DGKB: variants seen among roughly 807,000 people sequenced by gnomAD.
DGKB encodes the protein diacylglycerol kinase beta.
DGKB carries 67 observed loss-of-function variants against 114.3 expected under a neutral mutation model. The observed-to-expected ratio is 0.59, with a 90% CI of 0.48 to 0.72. The LOEUF is 0.72. DGKB is among the 30% of genes least tolerant of loss of function. DGKB has a pLI of 0.00. For synonymous variants in DGKB, 398 were observed against 323.1 expected (o/e 1.23, Z -2.49); for missense variants, 907 against 975.2 (o/e 0.93, Z 0.93).
chr7:14,849,376 G>A (rs559276011), intron 1 of DGKB, among the ~76,000 whole-genome samples: 1 of 151,842 alleles, frequency 6.6e-6, no homozygotes, highest in Non-Finnish European at 1.5e-5. Flanking sequence ...ACCTTTGAGG[G>A]GTATTTAGGC....
chr7:14,456,902 T>C (rs1024534003), intron 21 of DGKB, among the ~76,000 whole-genome samples: 1 of 152,108 alleles, frequency 6.6e-6, no homozygotes, highest in Admixed American at 6.6e-5. Context: ...TAAATAATCA[T>C]CATCTTTGTT....
chr7:14,955,495 A>G (rs1178386956), intron 1 of DGKB, among the ~76,000 whole-genome samples: 2 of 152,024 alleles, frequency 1.3e-5, no homozygotes, highest in African/African-American at 4.8e-5. Flanking sequence ...GGAAGCCTCA[A>G]GTGACTGAGG....
At chr7:14,268,204 C>T (rs1797784528) in intron 23 of DGKB, among the ~76,000 whole-genome samples, 1 of 118,134 alleles carries the variant, frequency 8.5e-6, no homozygotes, top group South Asian at 3.0e-4. Flanking sequence ...CACCCATAGT[C>T]ACTGTACCAC....
intron 23 of DGKB, among the ~76,000 whole-genome samples, chr7:14,310,308 G>T (rs1323686462): frequency 2.6e-5 from 4 of 152,064 alleles, no homozygotes; most frequent in Non-Finnish European, 5.9e-5. Context: ...TTACAGAACA[G>T]GGATTCTTGA....
chr7:14,296,643 A>C (rs1469053042), intron 23 of DGKB, among the ~76,000 whole-genome samples: 1 of 152,122 alleles, frequency 6.6e-6, no homozygotes, highest in Non-Finnish European at 1.5e-5. Flanking sequence ...GAACTACAGA[A>C]GCAAGAGCAA....
intron 23 of DGKB, among the ~76,000 whole-genome samples, chr7:14,309,799 T>C (rs1805069926): frequency 6.6e-6 from 1 of 152,148 alleles, no homozygotes; most frequent in African/African-American, 2.4e-5. Context: ...AAAGATGCTA[T>C]GGGATTTCTA....
chr7:14,629,502 A>G (rs775620903), intron 14 of DGKB, among the ~76,000 whole-genome samples: 12 of 152,068 alleles, frequency 7.9e-5, no homozygotes, highest in Non-Finnish European at 1.6e-4. Flanking sequence ...TGTAGCATTC[A>G]TATAAGCAAT....
At chr7:14,942,953 T>G (rs538248922) in intron 1 of DGKB, among the ~76,000 whole-genome samples, 1 of 151,978 alleles carries the variant, frequency 6.6e-6, no homozygotes, top group Non-Finnish European at 1.5e-5. Flanking sequence ...TCATTGTCTG[T>G]TTTTATCCCT....
At chr7:14,800,288 T>C (rs907048137) in intron 2 of DGKB, among the ~76,000 whole-genome samples, 3 of 152,210 alleles carry the variant, frequency 2.0e-5, no homozygotes, top group African/African-American at 7.2e-5. Context: ...GAGTGTCAAC[T>C]TGATTGGATT....
intron 23 of DGKB, among the ~76,000 whole-genome samples, chr7:14,229,136 A>G (rs1041765030): frequency 3.3e-5 from 5 of 151,976 alleles, no homozygotes; most frequent in African/African-American, 1.2e-4. Flanking sequence ...AGCAGATCTG[A>G]TTATTTCTTT....
At chr7:14,956,583 T>A (rs1214510975) in intron 1 of DGKB, among the ~76,000 whole-genome samples, 1 of 152,054 alleles carries the variant, frequency 6.6e-6, no homozygotes, top group East Asian at 1.9e-4. Flanking sequence ...CACATTCTAT[T>A]AGTATCAAAG....
chr7:14,178,552 G>A (rs1240977821), intron 23 of DGKB, among the ~76,000 whole-genome samples: 2 of 152,002 alleles, frequency 1.3e-5, no homozygotes, highest in African/African-American at 4.8e-5. Context: ...AAAATATGAG[G>A]ATATGCTGTC....
intron 21 of DGKB, among the ~76,000 whole-genome samples, chr7:14,366,527 C>T (rs1816701421): frequency 6.6e-6 from 1 of 152,132 alleles, no homozygotes; most frequent in African/African-American, 2.4e-5. Context: ...GTGAGAGGAA[C>T]ATGTGTATGC....
chr7:14,167,729 A>AT (rs1326808531), intron 25 of DGKB, among the ~76,000 whole-genome samples: 1 of 151,454 alleles, frequency 6.6e-6, no homozygotes, highest in Non-Finnish European at 1.5e-5. Flanking sequence ...AAACACTTTG[A>AT]AAACCAAACA....
intron 21 of DGKB, among the ~76,000 whole-genome samples, chr7:14,360,448 G>GTATATATA (rs112459240): frequency 3.4e-5 from 5 of 146,968 alleles, no homozygotes; most frequent in African/African-American, 9.9e-5. Context: ...AGAACTTAAA[G>GTATATATA]TATATATATA....
intron 8 of DGKB, among the ~76,000 whole-genome samples, chr7:14,697,831 A>AGAAGGAAGGAAGGGAGAGAGAGAAG (rs1190246903): frequency 6.8e-6 from 1 of 147,912 alleles, no homozygotes; most frequent in South Asian, 2.2e-4. Context: ...GGAGAGAGAG[A>AGAAGGAAGGAAGGGAGAGAGAGAAG]GAAGGAAGGA....
intron 8 of DGKB, among the ~76,000 whole-genome samples, chr7:14,696,642 G>A (rs1823987185): frequency 6.6e-6 from 1 of 151,382 alleles, no homozygotes; most frequent in Non-Finnish European, 1.5e-5. Context: ...TAGGAGAGGA[G>A]AAAGCTGTTG....
intron 21 of DGKB, among the ~76,000 whole-genome samples, chr7:14,410,549 G>A (rs1285961413): frequency 6.6e-6 from 1 of 151,966 alleles, no homozygotes; most frequent in African/African-American, 2.4e-5. Flanking sequence ...TTGTTAATAT[G>A]TTTTCAAATG....
At chr7:14,364,691 G>A (rs372781098) in intron 21 of DGKB, among the ~76,000 whole-genome samples, 86 of 151,988 alleles carry the variant, frequency 5.7e-4, no homozygotes, top group African/African-American at 2.0e-3. Context: ...TGAATCATAT[G>A]CAATAGTAAG....
Sources: gnomAD v4.1 joint callset for allele counts (sites outside exome capture counted in the v4.1 genomes callset) on GRCh38, gnomAD v4.1.1 for gene constraint, MANE v1.5 for transcripts, NCBI Gene and HGNC (gene_info 2026-07-23, HGNC 2026-07-21) for gene names.